The following THSD7A variants were observed in gnomAD, a reference collection of about 807,000 sequenced individuals.
The protein encoded by THSD7A is thrombospondin type-1 domain-containing protein 7A.
Under a neutral mutation model 231.3 loss-of-function variants are expected in THSD7A, and 96 were observed. That is an observed-to-expected ratio of 0.41 (90% confidence interval 0.35 to 0.49). THSD7A has a LOEUF of 0.49. THSD7A is among the 20% of genes least tolerant of loss of function. THSD7A has a pLI of 0.05. For synonymous variants in THSD7A, 940 were observed against 743.3 expected, an observed-to-expected ratio of 1.26 and a Z score of -4.30; for missense variants, 2,290 against 2,070.2, an observed-to-expected ratio of 1.11 and a Z score of -2.06.
At chr7:11,457,670 A>G (rs1384487670) in intron 11 of THSD7A, among the ~76,000 whole-genome samples, 1 of 152,068 alleles carries the variant, frequency 6.6e-6, no homozygotes, top group Non-Finnish European at 1.5e-5. Flanking sequence ...ACTGATCTTG[A>G]CATTTATAGC....
chr7:11,609,284 G>A (rs1780840928), intron 2 of THSD7A, among the ~76,000 whole-genome samples: 1 of 151,990 alleles, frequency 6.6e-6, no homozygotes, highest in South Asian at 2.1e-4. Context: ...ACAGCTCCTG[G>A]ATCCCTCCCT....
At chr7:11,685,703 T>C (rs927941049) in intron 1 of THSD7A, among the ~76,000 whole-genome samples, 5 of 151,882 alleles carry the variant, frequency 3.3e-5, no homozygotes, top group African/African-American at 9.7e-5. Flanking sequence ...ATGGCTATTA[T>C]TAGAAAGTCA....
chr7:11,744,819 A>G (rs1182137763), intron 1 of THSD7A, among the ~76,000 whole-genome samples: 2 of 151,758 alleles, frequency 1.3e-5, no homozygotes, highest in Admixed American at 1.3e-4. Context: ...TATGTGCCAC[A>G]TTTTCTTAAT....
chr7:11,525,379 T>C (rs1788429651), intron 6 of THSD7A, among the ~76,000 whole-genome samples: 1 of 152,118 alleles, frequency 6.6e-6, no homozygotes. Context: ...GAAGATCAGT[T>C]TTTTAAATTA....
At chr7:11,392,064 C>CTTCT (rs755565152) in intron 23 of THSD7A, among the ~76,000 whole-genome samples, 4 of 152,072 alleles carry the variant, frequency 2.6e-5, no homozygotes, top group Non-Finnish European at 5.9e-5. Flanking sequence ...AGAATCTCAA[C>CTTCT]TTCTTTTTTT....
intron 6 of THSD7A, among the ~76,000 whole-genome samples, chr7:11,502,026 T>A (rs571458395): frequency 6.6e-6 from 1 of 152,052 alleles, no homozygotes; most frequent in East Asian, 1.9e-4. Flanking sequence ...CTCTAAAACC[T>A]AGAAGAGATG....
chr7:11,723,218 T>C (rs1268448507), intron 1 of THSD7A, among the ~76,000 whole-genome samples: 3 of 150,072 alleles, frequency 2.0e-5, no homozygotes, highest in Non-Finnish European at 4.4e-5. Flanking sequence ...CAGCAAACTA[T>C]CGCAAGGACA....
At chr7:11,619,239 A>G (rs1362586506) in intron 2 of THSD7A, among the ~76,000 whole-genome samples, 1 of 152,092 alleles carries the variant, frequency 6.6e-6, no homozygotes, top group African/African-American at 2.4e-5. Context: ...TATATCAATG[A>G]CTACAAGAAA....
At chr7:11,530,934 C>T (rs1788683390) in intron 6 of THSD7A, among the ~76,000 whole-genome samples, 1 of 152,110 alleles carries the variant, frequency 6.6e-6, no homozygotes, top group Non-Finnish European at 1.5e-5. Context: ...TTGCTTGAAA[C>T]TCGGAGGTGG....
chr7:11,577,087 G>A (rs190665998), intron 4 of THSD7A, among the ~76,000 whole-genome samples: 6 of 152,252 alleles, frequency 3.9e-5, no homozygotes, highest in African/African-American at 1.4e-4. Flanking sequence ...GTATTAATGG[G>A]AAAACACTAT....
intron 23 of THSD7A, among the ~76,000 whole-genome samples, chr7:11,389,512 G>A (rs1291160763): frequency 7.5e-6 from 1 of 132,556 alleles, no homozygotes; most frequent in Non-Finnish European, 1.6e-5. Context: ...GCCTATGTGT[G>A]TCTTTGCACG....
chr7:11,560,367 A>T (rs1179060764), intron 4 of THSD7A, among the ~76,000 whole-genome samples: 1 of 152,144 alleles, frequency 6.6e-6, no homozygotes, highest in Admixed American at 6.6e-5. Flanking sequence ...GTTCCTGTTT[A>T]ACATGAACAA....
chr7:11,423,514 G>A (rs1319493090), intron 16 of THSD7A, among the ~76,000 whole-genome samples: 8 of 151,852 alleles, frequency 5.3e-5, no homozygotes, highest in Non-Finnish European at 7.4e-5. Flanking sequence ...GACTACAGGT[G>A]CCCGCCGCCA....
At chr7:11,435,740 A>T (rs1784613536) in intron 13 of THSD7A, among the ~76,000 whole-genome samples, 1 of 152,020 alleles carries the variant, frequency 6.6e-6, no homozygotes. Context: ...TGGTAAATAT[A>T]TTGCTTTTCC....
At chr7:11,398,189 T>C (rs188375793) in intron 23 of THSD7A, among the ~76,000 whole-genome samples, 1 of 145,826 alleles carries the variant, frequency 6.9e-6, no homozygotes, top group African/African-American at 2.6e-5. Flanking sequence ...GTATACACCA[T>C]GGAATAGTAT....
intron 2 of THSD7A, among the ~76,000 whole-genome samples, 152 bp downstream of exon 2, chr7:11,635,976 ACT>A (rs1718893014): frequency 6.6e-6 from 1 of 152,056 alleles, no homozygotes; most frequent in African/African-American, 2.4e-5. Flanking sequence ...ACACCGAGAA[ACT>A]CACACAAGCT....
At chr7:11,479,647 T>C (rs939624792) in intron 7 of THSD7A, among the ~76,000 whole-genome samples, 4 of 151,028 alleles carry the variant, frequency 2.6e-5, no homozygotes, top group African/African-American at 9.8e-5. Context: ...AGATTTATTT[T>C]GAGTAAGAGA....
chr7:11,742,165 T>C (rs1196541088), intron 1 of THSD7A, among the ~76,000 whole-genome samples: 6 of 151,892 alleles, frequency 4.0e-5, no homozygotes, highest in Non-Finnish European at 7.4e-5. Context: ...CTGGTTGTGA[T>C]TTTCAGTGGA....
chr7:11,532,882 G>T (rs1404442495), intron 6 of THSD7A, among the ~76,000 whole-genome samples: 1 of 152,094 alleles, frequency 6.6e-6, no homozygotes, highest in Non-Finnish European at 1.5e-5. Flanking sequence ...ACTTCTCTGG[G>T]AAAAAGTAAG....
Sources: gnomAD v4.1 joint callset for allele counts (sites outside exome capture counted in the v4.1 genomes callset) on GRCh38, gnomAD v4.1.1 for gene constraint, MANE v1.5 for transcripts, NCBI Gene and HGNC (gene_info 2026-07-23, HGNC 2026-07-21) for gene names.